The following TAOK3 variants were observed in gnomAD, a reference collection of about 807,000 sequenced individuals.
The protein encoded by TAOK3 is serine/threonine-protein kinase TAO3.
A neutral mutation model predicts 120.4 loss-of-function variants in TAOK3; 40 were observed. The observed-to-expected ratio is 0.33, with a 90% CI of 0.26 to 0.43. The LOEUF (loss-of-function observed/expected upper bound fraction) is 0.43, where lower values mean the gene tolerates loss of function less well. Ranked by LOEUF, TAOK3 falls within the 20% of genes least tolerant of loss-of-function variation. The pLI, the probability that TAOK3 is intolerant of heterozygous loss-of-function variation, is 1.00. For missense variants in TAOK3, 821 were observed against 1,112.1 expected, an observed-to-expected ratio of 0.74 and a Z score of 3.72; for synonymous variants, 355 against 387.5, an observed-to-expected ratio of 0.92 and a Z score of 0.99.
At chr12:118,289,296 C>CAAAAAAAAAAAAAA (rs59297201) in intron 1 of TAOK3, among the ~76,000 whole-genome samples, 15 of 78,658 alleles carry the variant, frequency 1.9e-4, no homozygotes, top group East Asian at 7.3e-4. Flanking sequence ...AAGACTGTCT[C>CAAAAAAAAAAAAAA]AAAAAAAAAA....
chr12:118,282,783 A>T (rs934620813), intron 1 of TAOK3, among the ~76,000 whole-genome samples: 3 of 152,168 alleles, frequency 2.0e-5, no homozygotes, highest in Admixed American at 6.5e-5. Flanking sequence ...AGCTTGCAAG[A>T]TTCAAAGTTC....
intron 1 of TAOK3, among the ~76,000 whole-genome samples, chr12:118,347,179 A>T (rs565807797): frequency 6.6e-6 from 1 of 152,132 alleles, no homozygotes; most frequent in African/African-American, 2.4e-5. Context: ...AATTTTTTTA[A>T]AAAAATTATC....
rs1347972985 is a variant in TAOK3, at chr12:118,300,234, C to T, written c.-193-33475G>A. Among the ~76,000 whole-genome samples, 5 of 152,146 alleles carry T rather than the reference C, an allele frequency of 3.3e-5. No homozygotes were observed. In the East Asian group the frequency reaches 9.6e-4, roughly 29 times the overall value. The stretch of plus-strand genomic sequence containing the variant: ...TTCATCTGAAAAACAACAATATCCC[C>T]ATTTACTATTTAGCAAAAATTGAAA... On this transcript the variant is annotated intron_variant, in intron 1 of 20. Coordinates refer to ENST00000392533, the MANE Select transcript of TAOK3 (RefSeq NM_016281.4).
At chr12:118,163,903 A>C (rs936395454) in intron 17 of TAOK3, among the ~76,000 whole-genome samples, 4 of 151,804 alleles carry the variant, frequency 2.6e-5, no homozygotes, top group African/African-American at 7.3e-5. Context: ...GTAGAGATGG[A>C]GTTTCTCCAT....
Position 118,214,010 on chromosome 12 carries a change from G to C in TAOK3, c.737+7C>G, listed in dbSNP as rs1382687857. ...CTTAGAGATTTAAAATGATAGCAGA[G>C]TCTTACCATTCATTAGACTGTAACG... On this transcript the variant is annotated splice_region_variant and intron_variant, in intron 10 of 20. Transcript: ENST00000392533. 5.6e-6 allele frequency: 9 copies of C among 1,602,338 alleles called. No individual in the cohort carries two copies. Among genetic ancestry groups the C allele is most frequent in the Admixed American group, 1.7e-5 (1 of 59,454 alleles).
At chr12:118,306,415 T>A (rs918108820) in intron 1 of TAOK3, among the ~76,000 whole-genome samples, 7 of 152,160 alleles carry the variant, frequency 4.6e-5, no homozygotes, top group African/African-American at 1.7e-4. Flanking sequence ...TGGGCTCAAG[T>A]GATCCTCCTG....
intron 1 of TAOK3, among the ~76,000 whole-genome samples, chr12:118,294,145 G>A (rs1678043971): frequency 6.6e-6 from 1 of 151,962 alleles, no homozygotes; most frequent in Non-Finnish European, 1.5e-5. Flanking sequence ...ATTTTATTGA[G>A]GTATAATTTA....
chr12:118,291,412 C>G (rs563916525), intron 1 of TAOK3, among the ~76,000 whole-genome samples: 1 of 152,066 alleles, frequency 6.6e-6, no homozygotes, highest in Non-Finnish European at 1.5e-5. Context: ...TCGCCCGCCT[C>G]GGCCTCCCAA....
chr12:118,188,107 C>A (rs1411206500), intron 14 of TAOK3, among the ~76,000 whole-genome samples: 3 of 152,112 alleles, frequency 2.0e-5, no homozygotes, highest in African/African-American at 7.2e-5. Context: ...AAGAACCTGT[C>A]CCAGAGGGGG....
rs757019424 is a variant in TAOK3, at chr12:118,290,893, CT to C, written c.-193-24135del. Among the ~76,000 whole-genome samples, 340 of 138,660 alleles carry C rather than the reference CT, an allele frequency of 2.5e-3. 1 individual carries two copies. Among genetic ancestry groups the C allele is most frequent in the Admixed American group, 4.1e-3 (58 of 14,048 alleles). The allele number at this position is 138,660 out of a possible 152,430, so 91.0% of individuals were successfully genotyped here. On this transcript the variant is annotated intron_variant, in intron 1 of 20. Transcript: ENST00000392533. ...TATGTCAAAAGTATTAGGGCGTTTA[CT>C]TTTTTTTTTTTTTTCCTGAGACGGA...
intron 12 of TAOK3, chr12:118,200,598 C>T (rs565865241): frequency 6.6e-6 from 1 of 152,292 alleles, no homozygotes; most frequent in South Asian, 2.1e-4. Context: ...GATTCTCTAA[C>T]TGAAAACTTC....
intron 3 of TAOK3, among the ~76,000 whole-genome samples, chr12:118,247,253 T>A (rs1288445544): frequency 2.0e-5 from 3 of 152,172 alleles, no homozygotes; most frequent in African/African-American, 7.2e-5. Context: ...GACTTTGGTT[T>A]TCAGGATTAC....
Position 118,172,631 on chromosome 12 carries a change from C to T in TAOK3, c.1725G>A (p.Lys575=), listed in dbSNP as rs2036072556. 4 of 1,614,020 alleles carry T rather than the reference C, an allele frequency of 2.5e-6. No homozygotes were observed. In the South Asian group the frequency reaches 4.4e-5, roughly 18 times the overall value. The part of the protein sequence containing the change: ...EEMNEDHSTP[K]KEKQERISKH... ...TGGAGATCCGCTCTTGCTTCTCTTT[C>T]TTGGGTGTGCTATGGTCCTCATTCA... The change falls in exon 17 of 21, where the codon AAG becomes AAA. Residue 575 remains lysine (K), a synonymous_variant. Transcript: ENST00000392533.
At chr12:118,262,554 C>T (rs955867920) in intron 2 of TAOK3, among the ~76,000 whole-genome samples, 6 of 151,696 alleles carry the variant, frequency 4.0e-5, no homozygotes, top group South Asian at 4.2e-4. Flanking sequence ...TGGCCGGGTG[C>T]GGTGGCTCAC....
intron 1 of TAOK3, among the ~76,000 whole-genome samples, chr12:118,274,351 A>G (rs898042345): frequency 1.3e-5 from 2 of 152,174 alleles, no homozygotes; most frequent in African/African-American, 2.4e-5. Context: ...CTTAGTGATC[A>G]TCTAATTTCT....
At position 118,160,907 on chromosome 12, in the gene TAOK3, C is replaced by T. The variant is rs968542006; in HGVS notation, c.2140-549G>A. ...CTAACGCATTTCTACTGGATTTCAG[C>T]GTAAACTGAGAGAGAAAAGTGATTT... is the stretch of plus-strand genomic sequence containing the variant. On this transcript the variant is annotated intron_variant, in intron 18 of 20. Transcript: ENST00000392533. This position sits in a 1 kb window ranked among gnomAD's most constrained non-coding sequence, Gnocchi z 4.2. Among the ~76,000 whole-genome samples, 4 of 152,096 alleles carry T rather than the reference C, an allele frequency of 2.6e-5. No individual in the cohort carries two copies. The highest frequency in any genetic ancestry group is 5.9e-5 in the Non-Finnish European group (4 of 68,032).
At chr12:118,151,187 G>A in intron 20 of TAOK3, 29 bp from the exon 21 acceptor site, 6 of 1,605,860 alleles carry the variant, frequency 3.7e-6, no homozygotes, top group Non-Finnish European at 5.1e-6. Context: ...AGTTCTTAAT[G>A]GAAAGCATCT....
In TAOK3 at chr12:118,212,913, C is replaced by T; in HGVS notation, c.819+1G>A. On this transcript the variant is annotated splice_donor_variant, in intron 11 of 20. Transcript: ENST00000392533. LOFTEE classifies it high-confidence loss of function. ...CCTCAAATATAAATTTGAAAAATTA[C>T]CCTTAATAGTTCTGCTGATGTTGGC... The T allele has an allele frequency of 6.2e-7, 1 of 1,603,708 alleles. No individual in the cohort carries two copies. The highest frequency in any genetic ancestry group is 1.7e-5 in the Admixed American group (1 of 58,522).
intron 1 of TAOK3, among the ~76,000 whole-genome samples, chr12:118,279,608 G>C (rs745968730): frequency 1.0e-3 from 144 of 141,784 alleles, no homozygotes; most frequent in Non-Finnish European, 1.8e-3. Context: ...TTTTGAGAGA[G>C]AGTCTCACTC....
Sources: gnomAD v4.1 joint callset for allele counts (sites outside exome capture counted in the v4.1 genomes callset) on GRCh38, gnomAD v4.1.1 for gene constraint, Gnocchi (gnomAD v3.1) non-coding constraint, MANE v1.5 for transcripts, NCBI Gene and HGNC (gene_info 2026-07-23, HGNC 2026-07-21) for gene names.